The following SNAP29 variants were observed in gnomAD, a reference collection of about 807,000 sequenced individuals.
The protein encoded by SNAP29 is synaptosome associated protein 29, also known as synaptosomal-associated protein 29.
A neutral mutation model predicts 27.9 loss-of-function variants in SNAP29; 13 were observed. That is an observed-to-expected ratio of 0.47 (90% CI 0.30 to 0.74). The LOEUF is 0.74. Ranked by LOEUF, SNAP29 falls within the 30% of genes least tolerant of loss-of-function variation. The pLI is 0.06. For synonymous variants in SNAP29, 119 were observed against 127.1 expected, an observed-to-expected ratio of 0.94 and a Z score of 0.43; for missense variants, 368 against 336.5, an observed-to-expected ratio of 1.09 and a Z score of -0.73.
intron 2 of SNAP29, chr22:20,870,806 G>C: frequency 1.9e-6 from 1 of 513,582 alleles, no homozygotes; most frequent in East Asian, 3.6e-5. Flanking sequence ...AGCGTAATCT[G>C]TACAAATGTG....
At chr22:20,874,768 A>G (rs918614551) in intron 2 of SNAP29, among the ~76,000 whole-genome samples, 3 of 151,652 alleles carry the variant, frequency 2.0e-5, no homozygotes, top group Non-Finnish European at 4.4e-5. Context: ...ATTTCCCTCC[A>G]GTTCTAGTCG....
At chr22:20,879,287 A>G (rs1928828206) in intron 2 of SNAP29, among the ~76,000 whole-genome samples, 1 of 151,500 alleles carries the variant, frequency 6.6e-6, no homozygotes, top group Non-Finnish European at 1.5e-5. Flanking sequence ...AGCCTGGGCA[A>G]CAGAGTGAGA....
At chr22:20,867,673 C>A (rs1364412604) in intron 1 of SNAP29, among the ~76,000 whole-genome samples, 1 of 152,236 alleles carries the variant, frequency 6.6e-6, no homozygotes, top group African/African-American at 2.4e-5. Context: ...TCCAGCCTCA[C>A]AGGCAAGATA....
Position 20,859,300 on chromosome 22 carries a change from C to T in SNAP29, c.190C>T (p.Leu64=), listed in dbSNP as rs750143846. Residue 64 remains leucine (L), a synonymous_variant, in exon 1 of 5, where the codon CTG becomes TTG. Transcript: ENST00000215730. ...EATAASTSRS[L]ALMYESEKVG... The stretch of plus-strand genomic sequence containing the variant: ...CACGGCCGCCAGCACCAGCAGGTCC[C>T]TGGCCCTCATGTACGAGTCCGAGAA... The T allele has an allele frequency of 6.8e-6, 11 of 1,612,840 alleles. No homozygotes were observed. In the Admixed American group the frequency reaches 8.3e-5, roughly 12 times the overall value.
intron 1 of SNAP29, among the ~76,000 whole-genome samples, chr22:20,865,656 C>T (rs147828527): frequency 1.0e-3 from 152 of 152,292 alleles, no homozygotes; most frequent in African/African-American, 3.6e-3. Context: ...CACTGATTCA[C>T]TGGAAGGATG....
At chr22:20,883,222 C>T (rs1928928948) in intron 3 of SNAP29, among the ~76,000 whole-genome samples, 1 of 152,092 alleles carries the variant, frequency 6.6e-6, no homozygotes, top group Non-Finnish European at 1.5e-5. Flanking sequence ...TTAGGTGACC[C>T]TTAATTTGAG....
chr22:20,865,938 C>G (rs1471431160), intron 1 of SNAP29, among the ~76,000 whole-genome samples: 2 of 152,200 alleles, frequency 1.3e-5, no homozygotes, highest in African/African-American at 4.8e-5. Context: ...AGTATAGTCT[C>G]CAACCCCACC....
intron 4 of SNAP29, among the ~76,000 whole-genome samples, 166 bp from the exon 5 acceptor site, chr22:20,887,513 C>T (rs1031206307): frequency 2.0e-5 from 3 of 152,060 alleles, no homozygotes; most frequent in Non-Finnish European, 4.4e-5. Context: ...AGGCTTTACT[C>T]TTCACCCTGA....
intron 1 of SNAP29, among the ~76,000 whole-genome samples, chr22:20,865,785 T>TTGTCCACA (rs1928444416): frequency 2.0e-5 from 3 of 152,206 alleles, no homozygotes; most frequent in Non-Finnish European, 4.4e-5. Context: ...AAGCTTCCAG[T>TTGTCCACA]TGTCCTCTCC....
At chr22:20,886,888 C>T (rs1929028261) in intron 4 of SNAP29, among the ~76,000 whole-genome samples, 1 of 152,014 alleles carries the variant, frequency 6.6e-6, no homozygotes, top group African/African-American at 2.4e-5. Context: ...GCTGGGATTA[C>T]AGGCATGAGC....
At chr22:20,859,935 T>G (rs1220903442) in intron 1 of SNAP29, among the ~76,000 whole-genome samples, 1 of 152,118 alleles carries the variant, frequency 6.6e-6, no homozygotes, top group African/African-American at 2.4e-5. Flanking sequence ...TTTGATTGAG[T>G]CCAGGGTCTT....
chr22:20,874,422 G>A (rs949424188), intron 2 of SNAP29, among the ~76,000 whole-genome samples: 3 of 150,302 alleles, frequency 2.0e-5, no homozygotes, highest in East Asian at 3.9e-4. Flanking sequence ...ATGGTGGTAC[G>A]TGCTTGTGGT....
At chr22:20,868,769 C>T (rs746635356) in intron 1 of SNAP29, among the ~76,000 whole-genome samples, 6 of 152,144 alleles carry the variant, frequency 3.9e-5, no homozygotes, top group Non-Finnish European at 7.3e-5. Context: ...ACAGATGGGC[C>T]GCAGCTGTAG....
intron 2 of SNAP29, among the ~76,000 whole-genome samples, chr22:20,877,751 G>C (rs1928783159): frequency 2.6e-5 from 4 of 152,132 alleles, no homozygotes. Context: ...CTTTCTTTGT[G>C]GGGGAGCCAT....
Position 20,888,188 on chromosome 22 carries a change from G to T in SNAP29, c.*352G>T, listed in dbSNP as rs1023099324. 6 of 347,698 alleles carry T rather than the reference G, an allele frequency of 1.7e-5. No individual in the cohort carries two copies. The highest frequency in any genetic ancestry group is 3.3e-5 in the Non-Finnish European group (6 of 180,400). The allele number at this position is 347,698 out of a possible 1,614,324, so 21.5% of individuals were successfully genotyped here. A position where few individuals can be genotyped will look rare whatever the true frequency, so the allele number is the denominator to read the frequency against. ...AAGATGGGAACAGAATTTCAGTCTT[G>T]CAGCCATGAGCCTCTATTTCTCATT... On this transcript the variant is annotated 3_prime_UTR_variant, in exon 5 of 5. Coordinates refer to ENST00000215730, the MANE Select transcript of SNAP29 (RefSeq NM_004782.4).
chr22:20,871,482 T>TAAAAAAAAAAAAAAA, intron 2 of SNAP29, among the ~76,000 whole-genome samples: 1 of 64,154 alleles, frequency 1.6e-5, no homozygotes, highest in Admixed American at 1.9e-4. Context: ...TCCCTGTCTC[T>TAAAAAAAAAAAAAAA]AAAAAAAAAA....
At chr22:20,868,663 G>A (rs1169346193) in intron 1 of SNAP29, among the ~76,000 whole-genome samples, 10 of 152,174 alleles carry the variant, frequency 6.6e-5, no homozygotes, top group Non-Finnish European at 5.9e-5. Context: ...CAGGGTGATG[G>A]GTGGATAGAT....
intron 1 of SNAP29, among the ~76,000 whole-genome samples, chr22:20,865,109 C>T (rs772640441): frequency 1.3e-5 from 2 of 152,118 alleles, no homozygotes; most frequent in Admixed American, 6.5e-5. Flanking sequence ...AATCCTAGCA[C>T]TTGGGGAGGC....
At chr22:20,876,599 G>A (rs1243276114) in intron 2 of SNAP29, among the ~76,000 whole-genome samples, 15 of 134,680 alleles carry the variant, frequency 1.1e-4, no homozygotes, top group Non-Finnish European at 1.7e-4. Flanking sequence ...ATGGAATCTC[G>A]CTCTGTCACC....
Sources: allele counts gnomAD v4.1 joint callset (sites outside exome capture counted in the v4.1 genomes callset), GRCh38; gene constraint gnomAD v4.1.1; transcripts MANE v1.5; gene names NCBI Gene and HGNC (gene_info 2026-07-23, HGNC 2026-07-21).